NWD1: variants seen among roughly 807,000 people sequenced by gnomAD.
The protein encoded by NWD1 is NACHT and WD repeat domain containing 1, also known as NACHT domain- and WD repeat-containing protein 1.
In NWD1, 129 loss-of-function variants were observed where a neutral mutation model predicts 135.1. The observed-to-expected ratio is 0.96, with a 90% CI of 0.83 to 1.11. NWD1 has a LOEUF of 1.11. Among genes scored for constraint, NWD1 ranks in the 50% least tolerant of loss-of-function variants. NWD1 has a pLI of 0.00. For missense variants in NWD1, 1,740 were observed against 1,851.3 expected (o/e 0.94, Z 1.10); for synonymous variants, 773 against 786.0 (o/e 0.98, Z 0.28).
At position 16,744,463 on chromosome 19, in the gene NWD1, C is replaced by T. The variant is rs145594463; in HGVS notation, c.241C>T (p.Arg81Trp). The T allele has an allele frequency of 1.4e-4, 222 of 1,535,716 alleles. No homozygotes were observed. Among genetic ancestry groups the T allele is most frequent in the Non-Finnish European group, 1.8e-4 (205 of 1,146,604 alleles). The change falls in exon 5 of 19, where the codon CGG becomes TGG. Residue 81 changes from arginine to tryptophan, a missense_variant. Coordinates refer to ENST00000524140, the MANE Select transcript of NWD1 (RefSeq NM_001007525.5). ...DQYGPCLIPS[R>W]IDEKEWEVLR... is the part of the protein sequence containing the mutation. ...GTACGGCCCCTGTCTGATTCCCTCG[C>T]GGATCGATGAGAAGGAGTGGGAGGT... is the stretch of plus-strand genomic sequence containing the variant.
intron 5 of NWD1, among the ~76,000 whole-genome samples, chr19:16,747,229 G>A (rs1483641288): frequency 1.3e-5 from 2 of 151,630 alleles, no homozygotes; most frequent in East Asian, 3.9e-4. Flanking sequence ...TAGAGACGGG[G>A]TTTCCCCATG....
At position 16,799,950 on chromosome 19, in the gene NWD1, G is replaced by C. The variant is rs151264009; in HGVS notation, c.3524G>C (p.Ser1175Thr). The change falls in exon 17 of 19, where the codon AGC becomes ACC. Residue 1175 changes from serine to threonine, a missense_variant. Transcript: ENST00000524140. Reference protein sequence around the residue: ...DILEGVGAPVSLLARGGALVA... With the variant: ...DILEGVGAPVTLLARGGALVA... ...CTGGAAGGCGTCGGGGCCCCCGTGAGCCTGCTGGCCCGCGGCGGGGCTTTG... is the reference window on the plus strand; with the variant it reads ...CTGGAAGGCGTCGGGGCCCCCGTGACCCTGCTGGCCCGCGGCGGGGCTTTG... 124 of 1,614,162 alleles carry C rather than the reference G, an allele frequency of 7.7e-5. No individual in the cohort carries two copies. The African/African-American group carries it at 1.2e-3, about 15-fold the overall frequency.
At chr19:16,808,935 A>G (rs577505767) in intron 18 of NWD1, among the ~76,000 whole-genome samples, 1 of 152,102 alleles carries the variant, frequency 6.6e-6, no homozygotes, top group African/African-American at 2.4e-5. Flanking sequence ...AAATGCAAAA[A>G]TTAGCTGGGC....
At chr19:16,789,220 A>T in intron 13 of NWD1, 30 bp downstream of exon 13, 1 of 1,560,326 alleles carries the variant, frequency 6.4e-7, no homozygotes, top group Non-Finnish European at 8.8e-7. Flanking sequence ...TTTGTAAAGG[A>T]AAGCTGAGAC....
chr19:16,814,240 GA>G (rs1971006447), intron 18 of NWD1, among the ~76,000 whole-genome samples: 1 of 152,182 alleles, frequency 6.6e-6, no homozygotes, highest in Non-Finnish European at 1.5e-5. Context: ...CCCATTTACA[GA>G]GCAAAAACTG....
Position 16,731,192 on chromosome 19 carries a change from A to G in NWD1, c.-6A>G. 6.6e-7 allele frequency: 1 copy of G among 1,517,030 alleles called. No individual in the cohort carries two copies. The allele number at this position is 1,517,030 out of a possible 1,614,324, so 94.0% of individuals were successfully genotyped here. ...ATACCCTCCATGCCCTTCCTTGCAG[A>G]TATGGATGCAGAGAGGGAAGCCCTG... is the stretch of plus-strand genomic sequence containing the variant. On this transcript the variant is annotated splice_region_variant and 5_prime_UTR_variant, in exon 3 of 19. Coordinates refer to ENST00000524140, the MANE Select transcript of NWD1 (RefSeq NM_001007525.5).
At chr19:16,752,318 T>A (rs1408852636) in intron 6 of NWD1, among the ~76,000 whole-genome samples, 1 of 151,928 alleles carries the variant, frequency 6.6e-6, no homozygotes, top group Non-Finnish European at 1.5e-5. Flanking sequence ...TCTTTCTGCC[T>A]GTTTCTTTGC....
chr19:16,807,507 AC>A, intron 17 of NWD1, 78 bp from the exon 18 acceptor site: 1 of 1,243,160 alleles, frequency 8.0e-7, no homozygotes, highest in Non-Finnish European at 1.1e-6. Context: ...ACAAAACAAA[AC>A]AAAAAAAACC....
chr19:16,746,551 T>C (rs1316374302), intron 5 of NWD1, among the ~76,000 whole-genome samples: 1 of 152,102 alleles, frequency 6.6e-6, no homozygotes, highest in Admixed American at 6.6e-5. Context: ...TGCACACCTG[T>C]AGTCCCAGCT....
chr19:16,792,228 G>C (rs917167715), intron 14 of NWD1, among the ~76,000 whole-genome samples: 1 of 152,052 alleles, frequency 6.6e-6, no homozygotes, highest in African/African-American at 2.4e-5. Flanking sequence ...GTTGGTGGAC[G>C]GCTGCTTTCA....
chr19:16,767,100 C>T (rs149207154), intron 10 of NWD1, among the ~76,000 whole-genome samples: 1,914 of 150,014 alleles, frequency 0.013, 50 homozygotes, highest in African/African-American at 0.044. Flanking sequence ...TTAATTGACT[C>T]ATAGTTCTGC....
At chr19:16,790,155 A>G (rs1454357085) in intron 13 of NWD1, among the ~76,000 whole-genome samples, 1 of 152,194 alleles carries the variant, frequency 6.6e-6, no homozygotes, top group Non-Finnish European at 1.5e-5. Context: ...CGTGGGTGAT[A>G]GCTTACTAAT....
At chr19:16,747,373 ATTT>A (rs1177962398) in intron 5 of NWD1, among the ~76,000 whole-genome samples, 13 of 145,874 alleles carry the variant, frequency 8.9e-5, no homozygotes, top group African/African-American at 3.3e-4. Context: ...TTATTTATTT[ATTT>A]ATTTATTTAA....
chr19:16,812,752 A>C (rs1423586142), intron 18 of NWD1: 1 of 780,996 alleles, frequency 1.3e-6, no homozygotes, highest in Non-Finnish European at 2.4e-6. Context: ...CAGAGTTCTT[A>C]CTGCAGAGGG....
intron 10 of NWD1, 151 bp downstream of exon 10, chr19:16,765,343 A>AT (rs750705263): frequency 2.3e-4 from 186 of 808,086 alleles, no homozygotes; most frequent in Admixed American, 3.5e-4. Context: ...TGCTTCTAGA[A>AT]TTTTTTTTGA....
chr19:16,785,060 T>C (rs762235126), intron 12 of NWD1, among the ~76,000 whole-genome samples: 8 of 151,022 alleles, frequency 5.3e-5, no homozygotes, highest in Non-Finnish European at 8.9e-5. Flanking sequence ...AGAGGCAGAT[T>C]AGTGGTGGCC....
At chr19:16,763,124 C>A (rs573891257) in intron 8 of NWD1, among the ~76,000 whole-genome samples, 1 of 152,082 alleles carries the variant, frequency 6.6e-6, no homozygotes, top group African/African-American at 2.4e-5. Context: ...CCCCCCGAGA[C>A]CCATTCACAA....
intron 11 of NWD1, among the ~76,000 whole-genome samples, chr19:16,774,276 C>T (rs562689568): frequency 2.0e-5 from 3 of 150,492 alleles, no homozygotes; most frequent in Non-Finnish European, 4.4e-5. Context: ...ATCCAATCAT[C>T]TACCCACCCT....
chr19:16,795,372 C>G (rs940863328), intron 15 of NWD1, among the ~76,000 whole-genome samples: 4 of 152,020 alleles, frequency 2.6e-5, no homozygotes, highest in African/African-American at 9.6e-5. Context: ...AAGGGGTCCA[C>G]GACCCTGAAG....
Sources: allele counts gnomAD v4.1 joint callset (sites outside exome capture counted in the v4.1 genomes callset), GRCh38; gene constraint gnomAD v4.1.1; transcripts MANE v1.5; gene names NCBI Gene and HGNC (gene_info 2026-07-23, HGNC 2026-07-21).